WNK2: variants seen among roughly 807,000 people sequenced by gnomAD.
WNK2 encodes serine/threonine-protein kinase WNK2.
WNK2 carries 67 observed loss-of-function variants against 192.1 expected under a neutral mutation model. The observed-to-expected ratio is 0.35, with a 90% CI of 0.29 to 0.43. WNK2 has a LOEUF of 0.43. WNK2 is among the 20% of genes least tolerant of loss of function. WNK2 has a pLI of 1.00. For missense variants in WNK2, 2,698 were observed against 3,089.7 expected, an observed-to-expected ratio of 0.87 and a Z score of 3.01; for synonymous variants, 1,439 against 1,393.9, an observed-to-expected ratio of 1.03 and a Z score of -0.72.
intron 28 of WNK2, chr9:93,315,828 T>TAA (rs1854569774): frequency 1.3e-5 from 2 of 150,296 alleles, no homozygotes; most frequent in South Asian, 4.2e-4. Flanking sequence ...TGTGTGTATA[T>TAA]AATGGATATA....
chr9:93,292,247 T>C, intron 21 of WNK2, 61 bp from the exon 22 acceptor site: 1 of 1,584,536 alleles, frequency 6.3e-7, no homozygotes, highest in Non-Finnish European at 8.7e-7. Flanking sequence ...GGGTCAGCTG[T>C]GAGCCATCTC....
intron 2 of WNK2, among the ~76,000 whole-genome samples, chr9:93,190,970 C>T (rs149322276): frequency 3.3e-5 from 5 of 152,112 alleles, no homozygotes; most frequent in African/African-American, 4.8e-5. Context: ...ACAAAGGGGC[C>T]GGGACACATC....
At chr9:93,280,641 T>C (rs569153340) in intron 19 of WNK2, among the ~76,000 whole-genome samples, 1 of 152,338 alleles carries the variant, frequency 6.6e-6, no homozygotes, top group Non-Finnish European at 1.5e-5. Context: ...AATGTGCAGC[T>C]CATGAATGCT....
chr9:93,290,164 A>C, intron 21 of WNK2, 117 bp downstream of exon 21: 1 of 903,212 alleles, frequency 1.1e-6, no homozygotes. Context: ...GCATTTCTTA[A>C]AGATCCTTTT....
intron 2 of WNK2, among the ~76,000 whole-genome samples, chr9:93,211,313 C>CTCAT (rs1295100458): frequency 7.0e-6 from 1 of 143,612 alleles, no homozygotes; most frequent in Non-Finnish European, 1.5e-5. Context: ...CATTCACTCA[C>CTCAT]TCATCCACTC....
In WNK2 at chr9:93,289,527, C is replaced by A; in HGVS notation, c.4773C>A (p.Asp1591Glu). The A allele has an allele frequency of 6.3e-7, 1 of 1,597,198 alleles. No individual in the cohort carries two copies. The highest frequency in any genetic ancestry group is 8.6e-7 in the Non-Finnish European group (1 of 1,169,072). The change falls in exon 20 of 30, where the codon GAC becomes GAA. Residue 1591 changes from aspartate (D) to glutamate (E), a missense_variant. By Grantham distance (45) the Asp-to-Glu change is conservative (BLOSUM62 2). This residue lies in a region of WNK2 where 1,098 missense variants were observed against 1,101.0 expected (regional missense o/e 1.00). Transcript: ENST00000427277. Reference sequence around the variant, plus strand: ...TCACCCTGGAGCCCCTGAGAGGGGACCAGCCCCGCTCAGAGGTCTGCGGGG... The same window carrying A: ...TCACCCTGGAGCCCCTGAGAGGGGAACAGCCCCGCTCAGAGGTCTGCGGGG... ...RDFTLEPLRG[D>E]QPRSEVCGGD...
chr9:93,290,114 T>C (rs1849093648), intron 21 of WNK2, 67 bp downstream of exon 21: 2 of 1,394,170 alleles, frequency 1.4e-6, no homozygotes, highest in East Asian at 5.0e-5. Flanking sequence ...CAGAACCTTC[T>C]GCATCCGCAC....
intron 19 of WNK2, among the ~76,000 whole-genome samples, chr9:93,269,896 A>G (rs1845780715): frequency 6.6e-6 from 1 of 152,240 alleles, no homozygotes; most frequent in South Asian, 2.1e-4. Context: ...ATCCACTGAG[A>G]ATAACCAAAA....
intron 19 of WNK2, among the ~76,000 whole-genome samples, chr9:93,288,056 A>C (rs949499090): frequency 3.3e-5 from 5 of 152,170 alleles, no homozygotes; most frequent in African/African-American, 1.2e-4. Context: ...AAAAAAAAGA[A>C]AGGTCGGGTT....
Position 93,238,254 on chromosome 9 carries a change from G to A in WNK2, c.1255G>A (p.Glu419Lys). The change falls in exon 6 of 30, where the codon GAG becomes AAG. Residue 419 changes from glutamate to lysine, a missense_variant. Around this residue, in one of 7 missense-constraint regions of WNK2, gnomAD observed 230 missense variants for 501.1 expected, o/e 0.46. Transcript: ENST00000427277. ...VTCGIKPASF[E>K]KVHDPEIKEI... ...TCAGGGTATCAAGCCGGCCAGCTTT[G>A]AGAAAGTGCACGATCCTGAAATCAA... 6.2e-7 allele frequency: 1 copy of A among 1,614,022 alleles called. No individual in the cohort carries two copies. Among genetic ancestry groups the A allele is most frequent in the Non-Finnish European group, 8.5e-7 (1 of 1,179,890 alleles).
intron 28 of WNK2, among the ~76,000 whole-genome samples, chr9:93,313,674 C>T (rs1460933355): frequency 2.6e-5 from 4 of 152,112 alleles, no homozygotes; most frequent in African/African-American, 9.7e-5. Context: ...ATATTCTTAT[C>T]AGCCGTCTTT....
intron 19 of WNK2, among the ~76,000 whole-genome samples, chr9:93,279,386 G>A (rs1416507059): frequency 2.6e-5 from 4 of 152,200 alleles, no homozygotes; most frequent in African/African-American, 9.6e-5. Context: ...CAGAATATGT[G>A]CAAGATCTGT....
intron 2 of WNK2, among the ~76,000 whole-genome samples, chr9:93,207,172 A>G (rs1270753784): frequency 6.6e-6 from 1 of 152,180 alleles, no homozygotes; most frequent in Non-Finnish European, 1.5e-5. Flanking sequence ...ACCCGTTATC[A>G]TGGGAACTTG....
At chr9:93,285,099 A>G (rs965998236) in intron 19 of WNK2, among the ~76,000 whole-genome samples, 1 of 152,250 alleles carries the variant, frequency 6.6e-6, no homozygotes, top group East Asian at 1.9e-4. Context: ...TGGACAAAGC[A>G]AGATAACTTC....
chr9:93,272,995 A>T lies in WNK2; in HGVS notation c.4033+4249A>T, dbSNP rs12684553. On this transcript the variant is annotated intron_variant, in intron 19 of 29. Coordinates refer to ENST00000427277, the MANE Select transcript of WNK2 (RefSeq NM_006648.4). ...CTATCTATTAGAAACTTCAAGTACA[A>T]CAATACTGATGAACTGAAAGGTCAA... 1.3e-4 allele frequency among the ~76,000 whole-genome samples: 20 copies of T among 152,026 alleles called. 1 individual carries two copies. Among genetic ancestry groups the T allele is most frequent in the African/African-American group, 4.8e-4 (20 of 41,316 alleles).
rs573986996 is a variant in WNK2 at position 93,232,837 on chromosome 9, A to G, written c.1075+1729A>G. 6.6e-5 allele frequency among the ~76,000 whole-genome samples: 10 copies of G among 152,180 alleles called. No homozygotes were observed. The East Asian group carries it at 1.9e-3, about 29-fold the overall frequency. ...AGCTGGAGTCCAGGAAGCTTTGGTTAGAGAGGCCACAACCAGGAGTGTCCT... is the reference window on the plus strand; with the variant it reads ...AGCTGGAGTCCAGGAAGCTTTGGTTGGAGAGGCCACAACCAGGAGTGTCCT... On this transcript the variant is annotated intron_variant, in intron 4 of 29. Transcript: ENST00000427277.
At chr9:93,309,663 T>C (rs913837034) in intron 28 of WNK2, among the ~76,000 whole-genome samples, 9 of 152,246 alleles carry the variant, frequency 5.9e-5, no homozygotes, top group Non-Finnish European at 1.5e-5. Flanking sequence ...GTGTACATTT[T>C]ATTAGCCTAT....
In WNK2 at chr9:93,185,589, G is replaced by T. The variant is rs1034219785; in HGVS notation, c.660G>T (p.Glu220Asp). 6.2e-7 allele frequency: 1 copy of T among 1,611,652 alleles called. No homozygotes were observed. Among genetic ancestry groups the T allele is most frequent in the Non-Finnish European group, 8.5e-7 (1 of 1,179,046 alleles). Residue 220 changes from glutamate to aspartate, a missense_variant, in exon 2 of 30, where the codon GAG (glutamate) becomes GAT (aspartate). By Grantham distance (45) the Glu-to-Asp change is conservative. This residue lies in a region of WNK2 where 230 missense variants were observed against 501.1 expected (regional missense o/e 0.46). Transcript: ENST00000427277. ...GGCTGGACACGGAGACCTGGGTGGA[G>T]GTGGCCTGGTGTGAGCTGCAGGTGA... ...YKGLDTETWV[E>D]VAWCELQDRK...
At chr9:93,203,227 A>G (rs539600585) in intron 2 of WNK2, among the ~76,000 whole-genome samples, 38 of 152,204 alleles carry the variant, frequency 2.5e-4, no homozygotes, top group African/African-American at 7.7e-4. Context: ...TTGAGCTGCA[A>G]TGAGGCCCCC....
Sources: allele counts gnomAD v4.1 joint callset (sites outside exome capture counted in the v4.1 genomes callset), GRCh38; gene constraint gnomAD v4.1.1; regional missense constraint gnomAD v4.1.1; transcripts MANE v1.5; gene names NCBI Gene and HGNC (gene_info 2026-07-23, HGNC 2026-07-21).